ABCA4: variants seen among roughly 807,000 people sequenced by gnomAD.
The protein encoded by ABCA4 is retinal-specific phospholipid-transporting ATPase ABCA4.
In ABCA4, 196 loss-of-function variants were observed where a neutral mutation model predicts 263.7. The observed-to-expected ratio is 0.74, with a 90% confidence interval of 0.66 to 0.84. The LOEUF (loss-of-function observed/expected upper bound fraction) is 0.84, where lower values mean the gene tolerates loss of function less well. Ranked by LOEUF, ABCA4 falls within the 40% of genes least tolerant of loss-of-function variation. The pLI, the probability that ABCA4 is intolerant of heterozygous loss-of-function variation, is 0.00. For missense variants in ABCA4, 2,792 were observed against 2,855.1 expected (o/e 0.98, Z 0.50); for synonymous variants, 1,133 against 1,094.2 (o/e 1.04, Z -0.70).
At chr1:94,117,582 C>T (rs1257038893) in intron 1 of ABCA4, among the ~76,000 whole-genome samples, 1 of 152,144 alleles carries the variant, frequency 6.6e-6, no homozygotes, top group African/African-American at 2.4e-5. Context: ...GCCAGGTCCA[C>T]AGCCAACACG....
At chr1:94,011,126 T>C (rs1396110058) in intron 39 of ABCA4, 136 bp downstream of exon 39, 2 of 1,551,106 alleles carry the variant, frequency 1.3e-6, no homozygotes, top group African/African-American at 2.7e-5. Context: ...CCTCTCCAGC[T>C]GGCAGGACAC....
At chr1:94,104,015 G>A (rs977614716) in intron 4 of ABCA4, among the ~76,000 whole-genome samples, 2 of 152,190 alleles carry the variant, frequency 1.3e-5, no homozygotes, top group Non-Finnish European at 2.9e-5. Flanking sequence ...TCATAGGATT[G>A]TTGATGCGGG....
At chr1:94,109,909 T>C in intron 3 of ABCA4, among the ~76,000 whole-genome samples, 1 of 151,980 alleles carries the variant, frequency 6.6e-6, no homozygotes, top group East Asian at 1.9e-4. Flanking sequence ...ACTTTCCGGG[T>C]TCAAATGCCA....
At chr1:94,091,642 A>G (rs1411993202) in intron 6 of ABCA4, among the ~76,000 whole-genome samples, 1 of 151,268 alleles carries the variant, frequency 6.6e-6, no homozygotes, top group Non-Finnish European at 1.5e-5. Context: ...CCTATGCCAA[A>G]TAAGTTCTCT....
At position 94,008,148 on chromosome 1, in the gene ABCA4, T is replaced by C. The variant is rs116198846; in HGVS notation, c.5898+87A>G. The C allele has an allele frequency of 7.8e-4, 965 of 1,235,276 alleles. 6 individuals are homozygous for C. The African/African-American group carries it at 0.013, about 17-fold the overall frequency. The allele number at this position is 1,235,276 out of a possible 1,614,324, so 76.5% of individuals were successfully genotyped here. A position where few individuals can be genotyped will look rare whatever the true frequency, so the allele number is the denominator to read the frequency against. ...CTTGCATTATGGCATTATGTTCCTA[T>C]TGAATAGCTCTGCCTTATGGGGAGG... On this transcript the variant is annotated intron_variant, in intron 42 of 49. Coordinates refer to ENST00000370225, the MANE Select transcript of ABCA4 (RefSeq NM_000350.3).
At chr1:94,011,428 A>T in intron 38 of ABCA4, 43 bp from the exon 39 acceptor site, 1 of 1,610,378 alleles carries the variant, frequency 6.2e-7, no homozygotes, top group Non-Finnish European at 8.5e-7. Flanking sequence ...GGCAAACCCC[A>T]CCCCCCCTCT....
At chr1:94,106,038 C>T (rs1203058407) in intron 4 of ABCA4, among the ~76,000 whole-genome samples, 1 of 152,234 alleles carries the variant, frequency 6.6e-6, no homozygotes. Flanking sequence ...CCCTTCAGGC[C>T]CTGGCCTGGG....
intron 19 of ABCA4, among the ~76,000 whole-genome samples, chr1:94,045,441 ATAT>A (rs1362805303): frequency 2.6e-5 from 4 of 152,250 alleles, no homozygotes; most frequent in African/African-American, 7.2e-5. Flanking sequence ...AAACTCAAAA[ATAT>A]TATTACTGTT....
chr1:93,996,034 C>G, intron 49 of ABCA4, 75 bp downstream of exon 49: 1 of 1,406,506 alleles, frequency 7.1e-7, no homozygotes, highest in South Asian at 1.2e-5. Context: ...TGGAGCAACT[C>G]AAGCCCAGTG....
Position 94,063,238 on chromosome 1 carries a change from T to C in ABCA4, c.1634A>G (p.Asn545Ser), listed in dbSNP as rs780313752. ...TQRALSLLEE[N>S]MFWAGVVFPD... is the part of the protein sequence containing the mutation. The stretch of plus-strand genomic sequence containing the variant: ...GAATACCACTCCGGCCCAGAACATG[T>C]TTTCCTCCAGTAGAGAGAGGGCACG... The change falls in exon 12 of 50, where the codon AAC (asparagine) becomes AGC (serine). Residue 545 changes from asparagine (N) to serine (S), a missense_variant. Asn to Ser is a conservative substitution (Grantham distance 46). Transcript: ENST00000370225. 6.2e-7 allele frequency: 1 copy of C among 1,614,126 alleles called. No homozygotes were observed. The highest frequency in any genetic ancestry group is 1.7e-5 in the Admixed American group (1 of 60,018).
intron 16 of ABCA4, among the ~76,000 whole-genome samples, chr1:94,052,843 C>T (rs1660875227): frequency 6.6e-6 from 1 of 152,128 alleles, no homozygotes; most frequent in Non-Finnish European, 1.5e-5. Context: ...AAAGGAGTGT[C>T]TTTTTTTATT....
chr1:94,106,130 G>A (rs920232030), intron 4 of ABCA4, among the ~76,000 whole-genome samples: 11 of 152,180 alleles, frequency 7.2e-5, no homozygotes, highest in Non-Finnish European at 1.6e-4. Context: ...ATCTTGCAGA[G>A]CCCCCATTCC....
intron 27 of ABCA4, 47 bp from the exon 28 acceptor site, chr1:94,031,167 G>A: frequency 1.2e-6 from 2 of 1,611,872 alleles, no homozygotes; most frequent in South Asian, 1.1e-5. Context: ...GCATGGAGAT[G>A]TCACACGTGC....
intron 6 of ABCA4, among the ~76,000 whole-genome samples, chr1:94,092,914 C>T (rs1285816534): frequency 6.6e-6 from 1 of 152,208 alleles, no homozygotes; most frequent in East Asian, 1.9e-4. Context: ...TCCATCTCTT[C>T]TCTAATGTGA....
At chr1:94,026,414 CAG>C (rs1660041067) in intron 30 of ABCA4, among the ~76,000 whole-genome samples, 1 of 152,322 alleles carries the variant, frequency 6.6e-6, no homozygotes, top group African/African-American at 2.4e-5. Flanking sequence ...AATTTACAGA[CAG>C]AGAAACTGAG....
At chr1:94,045,744 T>C (rs1158836768) in intron 19 of ABCA4, 2 of 456,108 alleles carry the variant, frequency 4.4e-6, no homozygotes, top group Admixed American at 2.3e-5. Context: ...CGGCCCCACA[T>C]TCCATTCACA....
In ABCA4 at chr1:94,077,844, T is replaced by C. The variant is rs771814374; in HGVS notation, c.1400A>G (p.Gln467Arg). 1.9e-6 allele frequency: 3 copies of C among 1,614,262 alleles called. No individual in the cohort carries two copies. The Admixed American group carries it at 5.0e-5, about 27-fold the overall frequency. ...NPTVKDFLNR[Q>R]LGEEGITAEA... ...AGCAGTAATACCTTCTTCACCAAGC[T>C]GCCTATTCAAAAAGTCTTTTACTGT... is the stretch of plus-strand genomic sequence containing the variant. The change falls in exon 11 of 50, where the codon CAG becomes CGG. Residue 467 changes from glutamine to arginine, a missense_variant. Transcript: ENST00000370225.
intron 7 of ABCA4, among the ~76,000 whole-genome samples, chr1:94,081,026 C>G (rs1417557132): frequency 2.0e-5 from 3 of 152,004 alleles, no homozygotes; most frequent in Non-Finnish European, 4.4e-5. Context: ...AGATCGAGAC[C>G]ATCCTGGCGA....
rs561550501 is a variant in ABCA4 at position 94,001,256 on chromosome 1, T to C, written c.6283-151A>G. On this transcript the variant is annotated intron_variant, in intron 45 of 49. Coordinates refer to ENST00000370225, the MANE Select transcript of ABCA4 (RefSeq NM_000350.3). Reference sequence around the variant, plus strand: ...CTTGAGCAAGACAGGGGTACCCTGGTGTAGGGTAGGGAAGGCAGGAGGTGG... The same window carrying C: ...CTTGAGCAAGACAGGGGTACCCTGGCGTAGGGTAGGGAAGGCAGGAGGTGG... 1.2e-4 allele frequency: 82 copies of C among 664,594 alleles called. No homozygotes were observed. The African/African-American group carries it at 1.3e-3, about 11-fold the overall frequency. The allele number at this position is 664,594 out of a possible 1,614,324, so 41.2% of individuals were successfully genotyped here. A position where few individuals can be genotyped will look rare whatever the true frequency, so the allele number is the denominator to read the frequency against.
Sources: gnomAD v4.1 joint callset for allele counts (sites outside exome capture counted in the v4.1 genomes callset) on GRCh38, gnomAD v4.1.1 for gene constraint, MANE v1.5 for transcripts, NCBI Gene and HGNC (gene_info 2026-07-23, HGNC 2026-07-21) for gene names.